Variants in GXYLT2 observed in about 807,000 individuals in gnomAD.
The protein encoded by GXYLT2 is glucoside xylosyltransferase 2.
Under a neutral mutation model 45.8 loss-of-function variants are expected in GXYLT2, and 53 were observed. The observed-to-expected ratio is 1.16, with a 90% CI of 0.93 to 1.46. The LOEUF (loss-of-function observed/expected upper bound fraction) is 1.46, where lower values mean the gene tolerates loss of function less well. GXYLT2 is among the 40% of genes most tolerant of loss of function. GXYLT2 has a pLI of 0.00. For synonymous variants in GXYLT2, 219 were observed against 214.2 expected (o/e 1.02, Z -0.19); for missense variants, 551 against 544.4 (o/e 1.01, Z -0.12).
At chr3:72,898,639 C>T (rs1327562957) in intron 1 of GXYLT2, among the ~76,000 whole-genome samples, 7 of 152,118 alleles carry the variant, frequency 4.6e-5, no homozygotes, top group African/African-American at 1.7e-4. Flanking sequence ...TCCCTGCACC[C>T]GAGCACCCGG....
At chr3:72,943,294 G>T (rs1292913131) in intron 3 of GXYLT2, among the ~76,000 whole-genome samples, 5 of 152,154 alleles carry the variant, frequency 3.3e-5, no homozygotes, top group South Asian at 2.1e-4. Flanking sequence ...ATAAAAATGG[G>T]TGAATAAATA....
intron 3 of GXYLT2, among the ~76,000 whole-genome samples, chr3:72,942,496 C>T (rs959817633): frequency 6.6e-6 from 1 of 151,976 alleles, no homozygotes; most frequent in Non-Finnish European, 1.5e-5. Context: ...TAAAGTATCT[C>T]CTCCAAAATA....
rs199515168 is a variant in GXYLT2, at chr3:72,929,373, AAT to A, written c.600+7041_600+7042del. On this transcript the variant is annotated intron_variant, in intron 3 of 6. Transcript: ENST00000389617. The stretch of plus-strand genomic sequence containing the variant: ...TGTGCATTACATTTGGGGAAAAAAA[AAT>A]ATGAGTCAGTCACTACTGGAACTGC... The A allele has an allele frequency of 3.2e-5, 34 of 1,067,444 alleles. No individual in the cohort carries two copies. In the African/African-American group the frequency reaches 4.4e-4, roughly 14 times the overall value. 66.1% of individuals were successfully genotyped at this position (1,067,444 alleles called of 1,614,324 possible).
chr3:72,956,848 C>T (rs1710659036), intron 4 of GXYLT2, among the ~76,000 whole-genome samples: 1 of 150,540 alleles, frequency 6.6e-6, no homozygotes, highest in African/African-American at 2.4e-5. Context: ...CAAGATTGTG[C>T]CACTGCATGC....
In GXYLT2 at chr3:72,888,467, A is replaced by T. The variant is rs1223266805; in HGVS notation, c.234A>T (p.Arg78=). ...RRRRPPRPRP[R]AGRRGAARLE... ...GCCGGCCCCCGCGTCCGCGCCCCCG[A>T]GCGGGCCGCCGGGGCGCTGCGAGAC... Residue 78 remains arginine (R), a synonymous_variant, in exon 1 of 7, where the codon CGA becomes CGT. Transcript: ENST00000389617. 20 of 1,243,936 alleles carry T rather than the reference A, an allele frequency of 1.6e-5. No homozygotes were observed. Among genetic ancestry groups the T allele is most frequent in the Non-Finnish European group, 2.0e-5 (20 of 989,908 alleles). 77.1% of individuals were successfully genotyped at this position (1,243,936 alleles called of 1,614,324 possible). A position where few individuals can be genotyped will look rare whatever the true frequency, so the allele number is the denominator to read the frequency against.
Position 72,922,258 on chromosome 3 carries a change from A to G in GXYLT2, c.523A>G (p.Ile175Val), listed in dbSNP as rs61741328. 9,055 of 1,613,394 alleles carry G rather than the reference A, an allele frequency of 5.6e-3. 417 individuals are homozygous for G. In the African/African-American group the frequency reaches 0.1, roughly 19 times the overall value. The change falls in exon 3 of 7, where the codon ATC becomes GTC. Residue 175 changes from isoleucine (I) to valine (V), a missense_variant. By Grantham distance (29) the Ile-to-Val change is conservative. Transcript: ENST00000389617. ...GAAGTTTGAGCACAGAATCTACCCC[A>G]TCACATTTTCTGTTGGAAACCCTCA... ...TKKFEHRIYP[I>V]TFSVGNPQEW...
intron 3 of GXYLT2, among the ~76,000 whole-genome samples, chr3:72,932,238 A>G (rs1710052064): frequency 6.6e-6 from 1 of 151,920 alleles, no homozygotes; most frequent in Admixed American, 6.6e-5. Context: ...GTGTATTTTT[A>G]GTAGAGATGG....
intron 6 of GXYLT2, among the ~76,000 whole-genome samples, chr3:72,974,177 A>G (rs1335654338): frequency 1.3e-5 from 2 of 152,204 alleles, no homozygotes; most frequent in Non-Finnish European, 1.5e-5. Flanking sequence ...AAACTTTGAT[A>G]CATGTGCGTA....
At chr3:72,974,661 T>C (rs979970774) in intron 6 of GXYLT2, among the ~76,000 whole-genome samples, 32 of 152,302 alleles carry the variant, frequency 2.1e-4, no homozygotes, top group Admixed American at 1.3e-3. Flanking sequence ...TTGCTCAGGC[T>C]GGTCTCAAAC....
At position 72,897,300 on chromosome 3, in the gene GXYLT2, G is replaced by C. The variant is rs1462464072; in HGVS notation, c.275+8792G>C. Reference sequence around the variant, plus strand: ...TGAAGCCAGGATTTCTAACAATCTTGCCTCCTTTTAGCTCTGCTTCCTTCT... The same window carrying C: ...TGAAGCCAGGATTTCTAACAATCTTCCCTCCTTTTAGCTCTGCTTCCTTCT... On this transcript the variant is annotated intron_variant, in intron 1 of 6. Coordinates refer to ENST00000389617, the MANE Select transcript of GXYLT2 (RefSeq NM_001080393.2). 2.0e-5 allele frequency among the ~76,000 whole-genome samples: 3 copies of C among 152,290 alleles called. No individual in the cohort carries two copies. In the East Asian group the frequency reaches 5.8e-4, roughly 29 times the overall value.
chr3:72,964,540 C>T (rs1428104274), intron 5 of GXYLT2, among the ~76,000 whole-genome samples: 1 of 152,100 alleles, frequency 6.6e-6, no homozygotes, highest in African/African-American at 2.4e-5. Context: ...CCAGGCTGGT[C>T]TCGAACTCCT....
intron 2 of GXYLT2, among the ~76,000 whole-genome samples, chr3:72,912,011 A>ATTTTTTTTTTT (rs1235800748): frequency 8.7e-6 from 1 of 115,574 alleles, no homozygotes; most frequent in African/African-American, 4.4e-5. Flanking sequence ...ATATATATAT[A>ATTTTTTTTTTT]TATTTTTTTT....
intron 5 of GXYLT2, among the ~76,000 whole-genome samples, chr3:72,961,689 A>C (rs1466911903): frequency 2.1e-5 from 3 of 144,044 alleles, no homozygotes. Flanking sequence ...AGAGAGAGAG[A>C]CTGGCCCAGC....
intron 3 of GXYLT2, among the ~76,000 whole-genome samples, chr3:72,924,950 T>C (rs1015323613): frequency 6.6e-6 from 1 of 151,976 alleles, no homozygotes; most frequent in Non-Finnish European, 1.5e-5. Context: ...GAGTTTAATT[T>C]GGGTCATACT....
intron 1 of GXYLT2, among the ~76,000 whole-genome samples, chr3:72,900,704 T>C (rs13093504): frequency 0.29 from 43,804 of 151,672 alleles, 6,675 homozygotes; most frequent in Non-Finnish European, 0.34. Flanking sequence ...AGGCATGAGT[T>C]ACCACACCCA....
intron 3 of GXYLT2, among the ~76,000 whole-genome samples, chr3:72,941,936 T>C (rs775974934): frequency 6.6e-6 from 1 of 152,142 alleles, no homozygotes; most frequent in Non-Finnish European, 1.5e-5. Context: ...CACCTAGATA[T>C]TGGTTTCTGA....
At chr3:72,957,413 A>G in intron 5 of GXYLT2, 61 bp downstream of exon 5, 1 of 1,497,984 alleles carries the variant, frequency 6.7e-7, no homozygotes, top group East Asian at 2.5e-5. Context: ...CCCACGGAGC[A>G]CATTCCATGC....
intron 4 of GXYLT2, 105 bp downstream of exon 4, chr3:72,955,454 T>C: frequency 1.0e-6 from 1 of 1,004,900 alleles, no homozygotes; most frequent in Non-Finnish European, 1.5e-6. Context: ...TTGGGTGGCC[T>C]ATAGGTGAGG....
At chr3:72,967,747 G>A (rs1268500958) in intron 6 of GXYLT2, 28 bp downstream of exon 6, 2 of 1,601,266 alleles carry the variant, frequency 1.2e-6, no homozygotes, top group Middle Eastern at 1.7e-4. Flanking sequence ...GCTGTTAGCA[G>A]ATGTGCTTAT....
Sources: gnomAD v4.1 joint callset for allele counts (sites outside exome capture counted in the v4.1 genomes callset) on GRCh38, gnomAD v4.1.1 for gene constraint, MANE v1.5 for transcripts, NCBI Gene and HGNC (gene_info 2026-07-23, HGNC 2026-07-21) for gene names.